The following OPRM1 variants were observed in gnomAD, a reference collection of about 807,000 sequenced individuals.
OPRM1 encodes the protein mu-type opioid receptor.
OPRM1 carries 27 observed loss-of-function variants against 31.8 expected under a neutral mutation model. The observed-to-expected ratio is 0.85, with a 90% confidence interval of 0.63 to 1.17. The LOEUF (loss-of-function observed/expected upper bound fraction) is 1.17, where lower values mean the gene tolerates loss of function less well. Among genes scored for constraint, OPRM1 ranks in the 50% most tolerant of loss-of-function variants. The pLI, the probability that OPRM1 is intolerant of heterozygous loss-of-function variation, is 0.00. For synonymous variants in OPRM1, 196 were observed against 189.9 expected, an observed-to-expected ratio of 1.03 and a Z score of -0.26; for missense variants, 536 against 511.1, an observed-to-expected ratio of 1.05 and a Z score of -0.47.
intron 3 of OPRM1, among the ~76,000 whole-genome samples, chr6:154,099,479 AAAG>A (rs1794103210): frequency 6.6e-6 from 1 of 151,142 alleles, no homozygotes; most frequent in Non-Finnish European, 1.5e-5. Flanking sequence ...AAAAAGAAAG[AAAG>A]AAAGAAGGAA....
chr6:154,229,413 G>A (rs190993366), intron 3 of OPRM1, among the ~76,000 whole-genome samples: 2 of 144,252 alleles, frequency 1.4e-5, no homozygotes, highest in East Asian at 2.1e-4. Context: ...GCAGTGGCGC[G>A]ATCTTGGCTT....
intron 3 of OPRM1, among the ~76,000 whole-genome samples, chr6:154,206,985 A>G (rs1182732906): frequency 1.3e-5 from 2 of 152,230 alleles, no homozygotes; most frequent in Non-Finnish European, 2.9e-5. Context: ...AATTCACTGG[A>G]AGCTTTTGTG....
intron 1 of OPRM1, among the ~76,000 whole-genome samples, chr6:154,017,591 C>T (rs942045321): frequency 2.6e-5 from 4 of 152,148 alleles, no homozygotes; most frequent in Non-Finnish European, 4.4e-5. Context: ...GTACCCAATA[C>T]ACTGTCTGGC....
chr6:154,168,543 A>G lies in OPRM1; in HGVS notation c.1164+77071A>G, dbSNP rs1347568869. 6.6e-6 allele frequency among the ~76,000 whole-genome samples: 1 copy of G among 152,132 alleles called. No individual in the cohort carries two copies. The highest frequency in any genetic ancestry group is 1.5e-5 in the Non-Finnish European group (1 of 68,018). On this transcript the variant is annotated intron_variant, in intron 3 of 3. Transcript: ENST00000337049. The surrounding 1 kb of genome is among the most constrained non-coding windows in gnomAD (Gnocchi z 4.1). Reference sequence around the variant, plus strand: ...AACAACCCCATTTCCCAATAAGGTCACATTCTGAGGTATTAGGGGTTAGGA... The same window carrying G: ...AACAACCCCATTTCCCAATAAGGTCGCATTCTGAGGTATTAGGGGTTAGGA...
At chr6:154,201,577 T>C (rs1777070606) in intron 3 of OPRM1, among the ~76,000 whole-genome samples, 1 of 152,174 alleles carries the variant, frequency 6.6e-6, no homozygotes, top group South Asian at 2.1e-4. Context: ...CTATGGGACA[T>C]GCCTGTCAAC....
At position 154,085,888 on chromosome 6, in the gene OPRM1, C is replaced by CT. The variant is rs779654564; in HGVS notation, c.291-3921dup. Among the ~76,000 whole-genome samples the CT allele has an allele frequency of 8.9e-3, 1,109 of 123,934 alleles. 35 individuals carry two copies. Among genetic ancestry groups the CT allele is most frequent in the South Asian group, 0.085 (342 of 4,022 alleles). 81.3% of individuals were successfully genotyped at this position (123,934 alleles called of 152,430 possible). On this transcript the variant is annotated intron_variant, in intron 1 of 3. Coordinates refer to ENST00000330432, the MANE Select transcript of OPRM1 (RefSeq NM_000914.5). ...CATCAGAACAGAATGAAAGCTTGCC[C>CT]TTTTTTTTTTTTTTTTTGAGACAGT...
At chr6:154,108,554 C>T (rs1795954724) in intron 3 of OPRM1, 1 of 154,396 alleles carries the variant, frequency 6.5e-6, no homozygotes, top group African/African-American at 2.4e-5. Context: ...AAAAAGCTCC[C>T]CATGTCCCGC....
At chr6:154,133,868 C>T (rs1797991305), downstream of OPRM1, among the ~76,000 whole-genome samples, 1 of 152,196 alleles carries the variant, frequency 6.6e-6, no homozygotes, top group African/African-American at 2.4e-5. Context: ...CTGTATAAAT[C>T]TTAGAACTAG....
intron 1 of OPRM1, among the ~76,000 whole-genome samples, chr6:154,056,834 G>C (rs1307975109): frequency 2.6e-5 from 4 of 152,060 alleles, no homozygotes; most frequent in African/African-American, 7.2e-5. Context: ...AGAAGAACAA[G>C]GGAAATTATT....
In OPRM1 at chr6:154,039,402, C is replaced by T; in HGVS notation, c.-143C>T. 6.5e-7 allele frequency: 1 copy of T among 1,548,102 alleles called. No individual in the cohort carries two copies. The highest frequency in any genetic ancestry group is 8.7e-7 in the Non-Finnish European group (1 of 1,144,602). ...GGTCCCCTCCGCCTGACGCTCCTCT[C>T]TGTCTCAGCCAGGACTGGTTTCTGT... is the stretch of plus-strand genomic sequence containing the variant. On this transcript the variant is annotated 5_prime_UTR_variant, in exon 1 of 4. Coordinates refer to ENST00000330432, the MANE Select transcript of OPRM1 (RefSeq NM_000914.5).
chr6:154,160,752 A>G (rs1191918049), intron 3 of OPRM1, among the ~76,000 whole-genome samples: 1 of 152,218 alleles, frequency 6.6e-6, no homozygotes, highest in African/African-American at 2.4e-5. Flanking sequence ...TATTAAAAAC[A>G]AATATTCAGC....
intron 3 of OPRM1, among the ~76,000 whole-genome samples, chr6:154,207,192 G>T (rs1777571438): frequency 6.6e-6 from 1 of 152,228 alleles, no homozygotes; most frequent in African/African-American, 2.4e-5. Flanking sequence ...GAGCCACCGG[G>T]CTGCGTGACT....
intron 3 of OPRM1, among the ~76,000 whole-genome samples, chr6:154,236,395 G>A (rs534229032): frequency 6.6e-6 from 1 of 152,300 alleles, no homozygotes; most frequent in East Asian, 1.9e-4. Context: ...ACTGGGAGGA[G>A]AAGGAATGGA....
rs552223888 is a variant in OPRM1, at chr6:154,041,519, TA to T, written c.290+1686del. ...AAACTAATCAAGCTAGAAGGGACTC[TA>T]GAGATTATCTATGCTAAGTAAATAA... is the stretch of plus-strand genomic sequence containing the variant. On this transcript the variant is annotated intron_variant, in intron 1 of 3. Transcript: ENST00000330432. Among the ~76,000 whole-genome samples the T allele has an allele frequency of 1.2e-3, 189 of 152,282 alleles. 1 individual carries two copies. The highest frequency in any genetic ancestry group is 4.4e-3 in the African/African-American group (183 of 41,576).
intron 1 of OPRM1, among the ~76,000 whole-genome samples, chr6:154,052,017 G>A (rs368692845): frequency 7.5e-4 from 114 of 152,290 alleles, no homozygotes; most frequent in African/African-American, 2.6e-3. Flanking sequence ...ATAAGATCAC[G>A]TCTTTTGCAG....
At chr6:154,172,612 T>C (rs1035194589) in intron 3 of OPRM1, among the ~76,000 whole-genome samples, 1 of 152,146 alleles carries the variant, frequency 6.6e-6, no homozygotes, top group Non-Finnish European at 1.5e-5. Flanking sequence ...TGCTGAGGCT[T>C]GAGTAGGTGG....
chr6:154,020,628 C>T (rs1457210690), intron 1 of OPRM1, among the ~76,000 whole-genome samples: 4 of 152,146 alleles, frequency 2.6e-5, no homozygotes, highest in Non-Finnish European at 2.9e-5. Context: ...GGATTATGAT[C>T]GGCACTGTGA....
rs1456908738 is a variant in OPRM1 at position 154,131,920 on chromosome 6, G to A, written c.*13199G>A. On this transcript the variant is annotated 3_prime_UTR_variant, in exon 4 of 4. Transcript: ENST00000330432. ...ACATTGTTTTCCTTTTGATGGTCTG[G>A]GAGTTTTTCTATAAGTTTTTGGTTT... is the stretch of plus-strand genomic sequence containing the variant. Among the ~76,000 whole-genome samples, 5 of 148,024 alleles carry A rather than the reference G, an allele frequency of 3.4e-5. No individual in the cohort carries two copies. The highest frequency in any genetic ancestry group is 1.2e-4 in the African/African-American group (5 of 40,412).
chr6:154,046,015 C>T (rs1365143964), intron 1 of OPRM1, among the ~76,000 whole-genome samples: 3 of 152,214 alleles, frequency 2.0e-5, no homozygotes, highest in Non-Finnish European at 4.4e-5. Flanking sequence ...AACCACTTTT[C>T]AAAATGGTTC....
Sources: allele counts gnomAD v4.1 joint callset (sites outside exome capture counted in the v4.1 genomes callset), GRCh38; gene constraint gnomAD v4.1.1; non-coding constraint Gnocchi (gnomAD v3.1); transcripts MANE v1.5; gene names NCBI Gene and HGNC (gene_info 2026-07-23, HGNC 2026-07-21).